The following DLGAP1 variants were observed in gnomAD, a reference collection of about 807,000 sequenced individuals.
DLGAP1 encodes the protein disks large-associated protein 1.
A neutral mutation model predicts 90.8 loss-of-function variants in DLGAP1; 11 were observed. That is an observed-to-expected ratio of 0.12 (90% CI 0.08 to 0.20). The LOEUF is 0.20. Among genes scored for constraint, DLGAP1 ranks in the 10% least tolerant of loss-of-function variants. The probability of loss-of-function intolerance (pLI) is 1.00; values close to 1 mark genes in which losing one functional copy is unlikely to be tolerated. For synonymous variants in DLGAP1, 558 were observed against 540.7 expected (o/e 1.03, Z -0.44); for missense variants, 1,050 against 1,333.8 (o/e 0.79, Z 3.31).
chr18:3,818,322 T>G (rs1440586701), intron 4 of DLGAP1, among the ~76,000 whole-genome samples: 1 of 150,074 alleles, frequency 6.7e-6, no homozygotes, highest in Non-Finnish European at 1.5e-5. Flanking sequence ...CATCCTCTAA[T>G]TACAGGATAG....
chr18:4,221,376 A>G (rs901173596), intron 1 of DLGAP1, among the ~76,000 whole-genome samples: 1 of 152,214 alleles, frequency 6.6e-6, no homozygotes, highest in East Asian at 1.9e-4. Flanking sequence ...CTCTGTACAT[A>G]TGACAGATTA....
chr18:3,606,828 A>G (rs2057347764), intron 7 of DLGAP1: 1 of 152,218 alleles, frequency 6.6e-6, no homozygotes, highest in Non-Finnish European at 1.5e-5. Context: ...CTGCTATGAC[A>G]TGACTAGATT....
intron 2 of DLGAP1, among the ~76,000 whole-genome samples, chr18:4,019,010 A>G (rs1455015663): frequency 6.6e-6 from 1 of 152,176 alleles, no homozygotes; most frequent in African/African-American, 2.4e-5. Flanking sequence ...AGAAGTGAAA[A>G]ACATCATTGA....
At chr18:4,131,866 A>G (rs2076322961) in intron 2 of DLGAP1, among the ~76,000 whole-genome samples, 1 of 152,226 alleles carries the variant, frequency 6.6e-6, no homozygotes, top group Non-Finnish European at 1.5e-5. Context: ...TATTTTTAAA[A>G]TGTTGTATGA....
At chr18:3,971,045 C>T (rs1173658080) in intron 3 of DLGAP1, among the ~76,000 whole-genome samples, 2 of 152,144 alleles carry the variant, frequency 1.3e-5, no homozygotes, top group Non-Finnish European at 2.9e-5. Flanking sequence ...ACATCTGTCC[C>T]CCTCTAGCAC....
At chr18:4,008,902 G>A (rs1309314004) in intron 2 of DLGAP1, among the ~76,000 whole-genome samples, 1 of 152,036 alleles carries the variant, frequency 6.6e-6, no homozygotes, top group Non-Finnish European at 1.5e-5. Flanking sequence ...GACAGCCACC[G>A]AGTCTCTCTC....
At chr18:4,066,846 A>C (rs7242367) in intron 2 of DLGAP1, among the ~76,000 whole-genome samples, 65,616 of 151,840 alleles carry the variant, frequency 0.43, 15,113 homozygotes, top group African/African-American at 0.59. Context: ...AAGGAATATA[A>C]ATCATTCTAC....
intron 2 of DLGAP1, among the ~76,000 whole-genome samples, chr18:4,009,153 T>A (rs2074367354): frequency 6.6e-6 from 1 of 152,094 alleles, no homozygotes; most frequent in Non-Finnish European, 1.5e-5. Flanking sequence ...TCCACCTGCC[T>A]CGGCCTCCCG....
chr18:3,623,591 C>G (rs2058178965), intron 7 of DLGAP1, among the ~76,000 whole-genome samples: 1 of 151,900 alleles, frequency 6.6e-6, no homozygotes, highest in African/African-American at 2.4e-5. Flanking sequence ...AGTGCGAGAC[C>G]AGCCTGGCCA....
In DLGAP1 at chr18:3,645,748, G is replaced by A. The variant is rs372868765; in HGVS notation, c.1592-63500C>T. Among the ~76,000 whole-genome samples the A allele has an allele frequency of 9.9e-5, 15 of 152,144 alleles. No individual in the cohort carries two copies. In the East Asian group the frequency reaches 1.3e-3, roughly 14 times the overall value. ...ATAATGGCCTGTTCACACGTATGCT[G>A]CCTTCTCTAGATAGAAGAACCATGT... On this transcript the variant is annotated intron_variant, in intron 7 of 12. Transcript: ENST00000315677.
At chr18:4,049,946 CCATCCATCCATA>C (rs1431238644) in intron 2 of DLGAP1, among the ~76,000 whole-genome samples, 335 of 149,646 alleles carry the variant, frequency 2.2e-3, no homozygotes, top group Middle Eastern at 0.017. Flanking sequence ...ATCCATCCAT[CCATCCATCCATA>C]CTTTAATTCA....
chr18:3,583,806 G>A (rs1396887830), intron 7 of DLGAP1, among the ~76,000 whole-genome samples: 1 of 152,152 alleles, frequency 6.6e-6, no homozygotes, highest in African/African-American at 2.4e-5. Context: ...AAATTAGCCG[G>A]GTGTGGTGGT....
chr18:4,278,410 C>G (rs1237747437), intron 1 of DLGAP1, among the ~76,000 whole-genome samples: 1 of 152,136 alleles, frequency 6.6e-6, no homozygotes, highest in Non-Finnish European at 1.5e-5. Flanking sequence ...ATTGTACCCA[C>G]TAAATAATTT....
At chr18:4,353,063 C>T (rs1407084893) in intron 1 of DLGAP1, among the ~76,000 whole-genome samples, 5 of 152,198 alleles carry the variant, frequency 3.3e-5, no homozygotes, top group Non-Finnish European at 5.9e-5. Context: ...GGCAACAACC[C>T]TGGCTCAGCA....
In DLGAP1 at chr18:4,260,232, G is replaced by A. The variant is rs752795457; in HGVS notation, c.-266-108945C>T. ...CACAATGACATGTTAAAGGCAACTC[G>A]AAACCGGAAATGGGCTGGGGACTCT... On this transcript the variant is annotated intron_variant, in intron 1 of 12. Transcript: ENST00000315677. Among the ~76,000 whole-genome samples, 8 of 152,242 alleles carry A rather than the reference G, an allele frequency of 5.3e-5. No individual in the cohort carries two copies. The South Asian group carries it at 8.3e-4, about 16-fold the overall frequency.
At chr18:3,585,473 C>T (rs536298961) in intron 7 of DLGAP1, among the ~76,000 whole-genome samples, 2 of 152,354 alleles carry the variant, frequency 1.3e-5, no homozygotes, top group African/African-American at 2.4e-5. Flanking sequence ...TCTCCTAAGA[C>T]ATGTCTTTAC....
At chr18:3,930,417 T>A (rs1275892167) in intron 3 of DLGAP1, among the ~76,000 whole-genome samples, 2 of 151,884 alleles carry the variant, frequency 1.3e-5, no homozygotes, top group African/African-American at 4.8e-5. Context: ...CTTGAGGGAG[T>A]TTTTGGAGCA....
chr18:3,540,213 T>C (rs999258929), intron 9 of DLGAP1, among the ~76,000 whole-genome samples: 6 of 151,842 alleles, frequency 4.0e-5, no homozygotes, highest in Non-Finnish European at 8.8e-5. Flanking sequence ...ACGTCTGTAG[T>C]CCCAGCACTT....
At chr18:4,451,131 T>A (rs2083816716) in intron 1 of DLGAP1, among the ~76,000 whole-genome samples, 2 of 152,166 alleles carry the variant, frequency 1.3e-5, no homozygotes. Flanking sequence ...TGTTTCTCAC[T>A]TATACAACAG....
Sources: allele counts gnomAD v4.1 joint callset (sites outside exome capture counted in the v4.1 genomes callset), GRCh38; gene constraint gnomAD v4.1.1; transcripts MANE v1.5; gene names NCBI Gene and HGNC (gene_info 2026-07-23, HGNC 2026-07-21).